The following DZIP3 variants were observed in gnomAD, a reference collection of about 807,000 sequenced individuals.
DZIP3 encodes DAZ interacting zinc finger protein 3, also known as E3 ubiquitin-protein ligase DZIP3.
DZIP3 carries 118 observed loss-of-function variants against 162.0 expected under a neutral mutation model. That is an observed-to-expected ratio of 0.73 (90% CI 0.63 to 0.85). DZIP3 has a LOEUF of 0.85. Among genes scored for constraint, DZIP3 ranks in the 40% least tolerant of loss-of-function variants. DZIP3 has a pLI of 0.00. For missense variants in DZIP3, 1,331 were observed against 1,407.0 expected, an observed-to-expected ratio of 0.95 and a Z score of 0.86; for synonymous variants, 438 against 458.6, an observed-to-expected ratio of 0.96 and a Z score of 0.57.
chr3:108,637,260 T>A (rs1459795041), intron 11 of DZIP3, among the ~76,000 whole-genome samples: 1 of 152,072 alleles, frequency 6.6e-6, no homozygotes, highest in African/African-American at 2.4e-5. Context: ...GTATTTCAGA[T>A]TTGGCATTTA....
chr3:108,660,796 A>AAAAAC (rs1553711813), intron 19 of DZIP3, among the ~76,000 whole-genome samples: 3 of 151,898 alleles, frequency 2.0e-5, no homozygotes, highest in Non-Finnish European at 2.9e-5. Context: ...TTACAAGAAA[A>AAAAAC]AAACAACCCC....
chr3:108,603,560 G>A (rs1940153937), intron 1 of DZIP3, among the ~76,000 whole-genome samples: 1 of 152,200 alleles, frequency 6.6e-6, no homozygotes, highest in South Asian at 2.1e-4. Flanking sequence ...TTCATTCTGT[G>A]TAGGCAAGAT....
chr3:108,611,220 T>G lies in DZIP3; in HGVS notation c.149T>G (p.Leu50Arg), dbSNP rs1458720578. ...DIPTDLVPVNLLLEVKKLLNA... is the reference protein window; with the variant it reads ...DIPTDLVPVNRLLEVKKLLNA... ...CCTACTGATCTTGTCCCTGTTAACCTACTATTAGAAGTGAAGAAGTTATTA... is the reference window on the plus strand; with the variant it reads ...CCTACTGATCTTGTCCCTGTTAACCGACTATTAGAAGTGAAGAAGTTATTA... Residue 50 changes from leucine to arginine, a missense_variant, in exon 4 of 33, where the codon CTA (leucine) becomes CGA (arginine). By Grantham distance (102) the Leu-to-Arg change is moderately radical. Transcript: ENST00000361582. 6.2e-7 allele frequency: 1 copy of G among 1,610,550 alleles called. No homozygotes were observed. The highest frequency in any genetic ancestry group is 1.1e-5 in the South Asian group (1 of 89,868).
intron 1 of DZIP3, among the ~76,000 whole-genome samples, chr3:108,592,577 T>A (rs1240241700): frequency 3.3e-5 from 5 of 151,832 alleles, no homozygotes; most frequent in Admixed American, 3.3e-4. Flanking sequence ...ATGCCTGTAG[T>A]CCCAGCTACT....
intron 9 of DZIP3, among the ~76,000 whole-genome samples, chr3:108,634,426 T>C (rs1037077873): frequency 6.6e-6 from 1 of 152,128 alleles, no homozygotes; most frequent in Non-Finnish European, 1.5e-5. Context: ...ACCCTCGGAT[T>C]ATGCAGTAGC....
chr3:108,684,227 CT>C lies in DZIP3; in HGVS notation c.2897del (p.Leu966Ter). 6.2e-7 allele frequency: 1 copy of C among 1,609,060 alleles called. No homozygotes were observed. Among genetic ancestry groups the C allele is most frequent in the Non-Finnish European group, 8.5e-7 (1 of 1,177,510 alleles). On this transcript the variant is annotated frameshift_variant, in exon 27 of 33. Coordinates refer to ENST00000361582, the MANE Select transcript of DZIP3 (RefSeq NM_014648.4). LOFTEE classifies it high-confidence loss of function. ...PSPEILMQQF[L>X]GRPLVKESFF... ...ATTTTCTATTTTAGATGCAGCAGTT[CT>C]TAGGAAGACCTCTTGTGAAAGAATC...
At chr3:108,672,482 T>G in intron 22 of DZIP3, 78 bp from the exon 23 acceptor site, 1 of 1,190,806 alleles carries the variant, frequency 8.4e-7, no homozygotes, top group Non-Finnish European at 1.2e-6. Flanking sequence ...GTATAACTTA[T>G]CTTTCTTCCT....
intron 17 of DZIP3, among the ~76,000 whole-genome samples, chr3:108,650,649 T>A (rs1942822021): frequency 6.6e-6 from 1 of 151,728 alleles, no homozygotes; most frequent in Non-Finnish European, 1.5e-5. Flanking sequence ...TCTTTTTCTG[T>A]GAGATTCTTA....
At chr3:108,648,371 T>C (rs1942723205) in intron 16 of DZIP3, 4 of 274,428 alleles carry the variant, frequency 1.5e-5, no homozygotes, top group Non-Finnish European at 2.0e-5. Context: ...ATATGTTTTT[T>C]TAATCCCAGT....
intron 19 of DZIP3, among the ~76,000 whole-genome samples, chr3:108,659,847 GACAA>G (rs1410956589): frequency 2.6e-5 from 4 of 152,114 alleles, no homozygotes; most frequent in Middle Eastern, 3.4e-3. Context: ...ACCAATAACA[GACAA>G]ACAGAGAGCC....
intron 26 of DZIP3, among the ~76,000 whole-genome samples, chr3:108,677,975 G>A (rs546957707): frequency 6.6e-6 from 1 of 152,116 alleles, no homozygotes; most frequent in South Asian, 2.1e-4. Context: ...ACAGCAGGAG[G>A]TGAGCAGTGG....
At chr3:108,664,189 C>T (rs959403437) in intron 21 of DZIP3, among the ~76,000 whole-genome samples, 6 of 152,140 alleles carry the variant, frequency 3.9e-5, no homozygotes, top group African/African-American at 9.7e-5. Context: ...AGCCTTCAAC[C>T]TGGAATTGCT....
chr3:108,650,309 A>G (rs1942808826), intron 17 of DZIP3, among the ~76,000 whole-genome samples: 1 of 151,812 alleles, frequency 6.6e-6, no homozygotes, highest in Non-Finnish European at 1.5e-5. Context: ...ACACTAGAGC[A>G]AAGGCAGGAG....
chr3:108,688,802 CATTTTCTGT>C lies in DZIP3; in HGVS notation c.3415-14_3415-6del. The C allele has an allele frequency of 6.2e-7, 1 of 1,613,936 alleles. No homozygotes were observed. Among genetic ancestry groups the C allele is most frequent in the Non-Finnish European group, 8.5e-7 (1 of 1,179,916 alleles). ...GGAGAAAACAATGAGCTAAATTTAA[CATTTTCTGT>C]ATTTTCCCTAGGATGAGGAAGAGGA... On this transcript the variant is annotated splice_polypyrimidine_tract_variant and intron_variant, in intron 30 of 32. Transcript: ENST00000361582.
chr3:108,597,702 G>T (rs1365658265), intron 1 of DZIP3, among the ~76,000 whole-genome samples: 1 of 152,166 alleles, frequency 6.6e-6, no homozygotes, highest in Non-Finnish European at 1.5e-5. Flanking sequence ...AGTACAGTAT[G>T]CACACCTCAG....
intron 9 of DZIP3, 114 bp downstream of exon 9, chr3:108,633,186 TTTAA>T (rs1476039903): frequency 6.7e-6 from 3 of 446,634 alleles, no homozygotes; most frequent in Non-Finnish European, 6.4e-6. Context: ...GAGCATTTAG[TTTAA>T]TTACAATGGT....
chr3:108,661,248 A>G (rs1576436466), intron 19 of DZIP3, among the ~76,000 whole-genome samples: 1 of 152,352 alleles, frequency 6.6e-6, no homozygotes, highest in Non-Finnish European at 1.5e-5. Flanking sequence ...ATGTCCAACA[A>G]TGATAGACTG....
In DZIP3 at chr3:108,629,099, C is replaced by A. The variant is rs576981364; in HGVS notation, c.619C>A (p.Gln207Lys). ...ACTGCTAGAATTTCATAAAAGCTTA[C>A]AAGAAATTGGAGACAAAAATGACCA... ...GGLLEFHKSL[Q>K]EIGDKNDHWF... The change falls in exon 8 of 33, where the codon CAA (glutamine) becomes AAA (lysine). Residue 207 changes from glutamine (Q) to lysine (K), a missense_variant. By Grantham distance (53) the Gln-to-Lys change is moderately conservative. Around this residue, in one of 2 missense-constraint regions of DZIP3, gnomAD observed 1,278 missense variants for 1,317.1 expected, o/e 0.97. Transcript: ENST00000361582. 3.1e-6 allele frequency: 5 copies of A among 1,602,516 alleles called. No individual in the cohort carries two copies. The African/African-American group carries it at 5.4e-5, about 17-fold the overall frequency.
At chr3:108,680,706 C>A (rs1944274206) in intron 26 of DZIP3, among the ~76,000 whole-genome samples, 1 of 152,014 alleles carries the variant, frequency 6.6e-6, no homozygotes, top group Non-Finnish European at 1.5e-5. Flanking sequence ...ACCAAAATTA[C>A]AAGGTATCAC....
Sources: allele counts gnomAD v4.1 joint callset (sites outside exome capture counted in the v4.1 genomes callset), GRCh38; gene constraint gnomAD v4.1.1; regional missense constraint gnomAD v4.1.1; transcripts MANE v1.5; gene names NCBI Gene and HGNC (gene_info 2026-07-23, HGNC 2026-07-21).